The following LMX1B variants were observed in gnomAD, a reference collection of about 807,000 sequenced individuals.
LMX1B encodes the protein LIM homeobox transcription factor 1 beta, also known as LIM homeobox transcription factor 1-beta.
In LMX1B, 12 loss-of-function variants were observed where a neutral mutation model predicts 51.4. The observed-to-expected ratio is 0.23, with a 90% CI of 0.15 to 0.38. LMX1B has a LOEUF of 0.38. Among genes scored for constraint, LMX1B ranks in the 10% least tolerant of loss-of-function variants. The probability of loss-of-function intolerance (pLI) is 1.00; values close to 1 mark genes in which losing one functional copy is unlikely to be tolerated. For missense variants in LMX1B, 445 were observed against 571.1 expected, an observed-to-expected ratio of 0.78 and a Z score of 2.25; for synonymous variants, 237 against 235.4, an observed-to-expected ratio of 1.01 and a Z score of -0.06.
chr9:126,623,773 C>T (rs1264034850), intron 2 of LMX1B, among the ~76,000 whole-genome samples: 2 of 152,216 alleles, frequency 1.3e-5, no homozygotes, highest in Non-Finnish European at 2.9e-5. Context: ...GCGGATTGCC[C>T]CCTGTAGGGC....
At position 126,693,733 on chromosome 9, in the gene LMX1B, G is replaced by A. The variant is rs914683099; in HGVS notation, c.820-13G>A. On this transcript the variant is annotated splice_polypyrimidine_tract_variant and intron_variant, in intron 5 of 7. Transcript: ENST00000373474. ...GAGGGGCAGCACCGGCCTGAACTGC[G>A]CTCTCCCTGCAGATGAAGAAGCTGG... The A allele has an allele frequency of 9.0e-6, 14 of 1,563,302 alleles. 1 individual carries two copies. The South Asian group carries it at 9.3e-5, about 10-fold the overall frequency.
chr9:126,616,887 G>A (rs960397998), intron 2 of LMX1B, among the ~76,000 whole-genome samples: 1 of 152,212 alleles, frequency 6.6e-6, no homozygotes, highest in African/African-American at 2.4e-5. Flanking sequence ...AGCCTGAGCT[G>A]CTTTTTGCAC....
chr9:126,699,276 C>G lies in LMX1B; in HGVS notation c.*2825C>G, dbSNP rs1423218721. 6.6e-6 allele frequency: 1 copy of G among 152,164 alleles called. No individual in the cohort carries two copies. The highest frequency in any genetic ancestry group is 6.5e-5 in the Admixed American group (1 of 15,288). The allele number at this position is 152,164 out of a possible 1,614,324, so 9.4% of individuals were successfully genotyped here. A position where few individuals can be genotyped will look rare whatever the true frequency, so the allele number is the denominator to read the frequency against. ...GTTAGTGACAGAGCTGAGCTGAGAA[C>G]AGGGACGTTGTGCCCCACTGTCCCC... is the stretch of plus-strand genomic sequence containing the variant. On this transcript the variant is annotated 3_prime_UTR_variant, in exon 8 of 8. Coordinates refer to ENST00000373474, the MANE Select transcript of LMX1B (RefSeq NM_001174147.2).
chr9:126,615,525 C>G lies in LMX1B; in HGVS notation c.282C>G (p.Cys94Trp). 6.2e-7 allele frequency: 1 copy of G among 1,611,640 alleles called. No homozygotes were observed. Among genetic ancestry groups the G allele is most frequent in the Non-Finnish European group, 8.5e-7 (1 of 1,178,742 alleles). The change falls in exon 2 of 8, where the codon TGC becomes TGG. Residue 94 changes from cysteine to tryptophan, a missense_variant. By Grantham distance (215) the Cys-to-Trp change is radical. Around this residue, in one of 3 missense-constraint regions of LMX1B, gnomAD observed 273 missense variants for 343.3 expected, o/e 0.80. Transcript: ENST00000373474. This position sits in a 1 kb window ranked among gnomAD's most constrained non-coding sequence, Gnocchi z 6.0. ...AACQQALTTS[C>W]YFRDRKLYCK... ...GTCAGCAAGCCCTCACCACCAGCTG[C>G]TACTTCCGGGATCGGAAACTGTACT... is the stretch of plus-strand genomic sequence containing the variant.
intron 2 of LMX1B, among the ~76,000 whole-genome samples, chr9:126,624,327 C>T (rs896080377): frequency 5.9e-5 from 9 of 152,214 alleles, no homozygotes; most frequent in African/African-American, 2.2e-4. Context: ...ACTGCAGGCT[C>T]CCGCTGGAGG....
intron 2 of LMX1B, among the ~76,000 whole-genome samples, chr9:126,657,934 G>C (rs1328191998): frequency 6.6e-6 from 1 of 152,166 alleles, no homozygotes; most frequent in Non-Finnish European, 1.5e-5. Context: ...AGAAGAAGGG[G>C]TGCCTGCCTC....
chr9:126,653,818 C>T (rs1412136701), intron 2 of LMX1B, among the ~76,000 whole-genome samples: 2 of 152,092 alleles, frequency 1.3e-5, no homozygotes, highest in African/African-American at 4.8e-5. Flanking sequence ...ATGGCACCTC[C>T]ACCTCCCAGG....
At chr9:126,685,929 T>A (rs1056512251) in intron 2 of LMX1B, among the ~76,000 whole-genome samples, 7 of 152,070 alleles carry the variant, frequency 4.6e-5, no homozygotes, top group Admixed American at 3.3e-4. Flanking sequence ...CCAAGCCCGG[T>A]GCATGCAGTC....
rs1348250830 is a variant in LMX1B, at chr9:126,673,905, C to T, written c.327-16931C>T. ...AACAGCCGCTGCCCTGTCCTCTCTGCGGCCGTGGCCAGGTACACAGGCCTG... is the reference window on the plus strand; with the variant it reads ...AACAGCCGCTGCCCTGTCCTCTCTGTGGCCGTGGCCAGGTACACAGGCCTG... On this transcript the variant is annotated intron_variant, in intron 2 of 7. Transcript: ENST00000373474. This position sits in a 1 kb window ranked among gnomAD's most constrained non-coding sequence, Gnocchi z 4.4. Among the ~76,000 whole-genome samples, 2 of 152,192 alleles carry T rather than the reference C, an allele frequency of 1.3e-5. No homozygotes were observed. Among genetic ancestry groups the T allele is most frequent in the Non-Finnish European group, 2.9e-5 (2 of 68,036 alleles).
Position 126,614,241 on chromosome 9 carries a change from G to A in LMX1B, c.-209G>A. On this transcript the variant is annotated 5_prime_UTR_variant, in exon 1 of 8. Transcript: ENST00000373474. ...GGCTGCAAGTGTCCGGGAGAGCGCG[G>A]CGCGGGCTGCAGCCGCCCCGGCCCG... Among the ~76,000 whole-genome samples, 1 of 146,076 alleles carries A rather than the reference G, an allele frequency of 6.8e-6. No homozygotes were observed. The highest frequency in any genetic ancestry group is 1.5e-5 in the Non-Finnish European group (1 of 65,750).
At position 126,621,063 on chromosome 9, in the gene LMX1B, GA is replaced by G. The variant is rs137895385; in HGVS notation, c.326+5495del. ...GGGTGGCTGGCGATGCTTCTCCAAG[GA>G]GCCGCCTTTGTCCTGAGGCTCTGGA... is the stretch of plus-strand genomic sequence containing the variant. On this transcript the variant is annotated intron_variant, in intron 2 of 7. Coordinates refer to ENST00000373474, the MANE Select transcript of LMX1B (RefSeq NM_001174147.2). 2.9e-4 allele frequency among the ~76,000 whole-genome samples: 44 copies of G among 152,322 alleles called. 1 individual carries two copies. The East Asian group carries it at 8.3e-3, about 29-fold the overall frequency.
At chr9:126,676,759 A>G (rs1281878285) in intron 2 of LMX1B, among the ~76,000 whole-genome samples, 3 of 152,178 alleles carry the variant, frequency 2.0e-5, no homozygotes, top group African/African-American at 7.2e-5. Context: ...CGGAGTTACC[A>G]GGGGTGGGGT....
At chr9:126,674,754 C>T (rs1179613511) in intron 2 of LMX1B, among the ~76,000 whole-genome samples, 1 of 152,182 alleles carries the variant, frequency 6.6e-6, no homozygotes, top group African/African-American at 2.4e-5. Flanking sequence ...CTACATGGCT[C>T]TCTGGTAACC....
Position 126,693,284 on chromosome 9 carries a change from C to T in LMX1B, c.702C>T (p.Phe234=), listed in dbSNP as rs1369457750. 11 of 1,610,494 alleles carry T rather than the reference C, an allele frequency of 6.8e-6. No homozygotes were observed. The highest frequency in any genetic ancestry group is 1.9e-4 in the Middle Eastern group (1 of 5,398). The part of the protein sequence containing the change: ...TILTTQQRRA[F]KASFEVSSKP... ...TCACCACGCAGCAGCGAAGAGCCTT[C>T]AAGGCCTCCTTCGAGGTCTCGTCGA... The change falls in exon 4 of 8, where the codon TTC becomes TTT. Residue 234 remains phenylalanine, a synonymous_variant. Coordinates refer to ENST00000373474, the MANE Select transcript of LMX1B (RefSeq NM_001174147.2).
Position 126,625,704 on chromosome 9 carries a change from T to TCCGCCG in LMX1B, c.326+10147_326+10152dup, listed in dbSNP as rs552025674. On this transcript the variant is annotated intron_variant, in intron 2 of 7. Coordinates refer to ENST00000373474, the MANE Select transcript of LMX1B (RefSeq NM_001174147.2). The surrounding 1 kb of genome is among the most constrained non-coding windows in gnomAD (Gnocchi z 5.3). ...GGCCCGTGGCGCCTTTCTCGCCACCTCCGCCGCCGCCGCCGCCACCCTCGT... is the reference window on the plus strand; with the variant it reads ...GGCCCGTGGCGCCTTTCTCGCCACCTCCGCCGCCGCCGCCGCCGCCGCCACCCTCGT... Among the ~76,000 whole-genome samples the TCCGCCG allele has an allele frequency of 1.3e-5, 2 of 152,046 alleles. No homozygotes were observed. The highest frequency in any genetic ancestry group is 4.8e-5 in the African/African-American group (2 of 41,412).
Position 126,615,380 on chromosome 9 carries a change from C to T in LMX1B, c.140-3C>T, listed in dbSNP as rs1308751738. 6.3e-7 allele frequency: 1 copy of T among 1,590,798 alleles called. No individual in the cohort carries two copies. Among genetic ancestry groups the T allele is most frequent in the Admixed American group, 1.7e-5 (1 of 58,370 alleles). The stretch of plus-strand genomic sequence containing the variant: ...GGCCGGGCTTTCGCCCTGTGCGCTA[C>T]AGGCTCCGACTGCCCGCATCCCGCC... On this transcript the variant is annotated splice_region_variant and splice_polypyrimidine_tract_variant and intron_variant, in intron 1 of 7. Coordinates refer to ENST00000373474, the MANE Select transcript of LMX1B (RefSeq NM_001174147.2). The surrounding 1 kb of genome is among the most constrained non-coding windows in gnomAD (Gnocchi z 6.0).
intron 2 of LMX1B, among the ~76,000 whole-genome samples, chr9:126,623,069 G>A (rs908764159): frequency 6.6e-6 from 1 of 152,256 alleles, no homozygotes; most frequent in African/African-American, 2.4e-5. Flanking sequence ...AGCCCCGTCT[G>A]GCAGGAATGC....
intron 2 of LMX1B, among the ~76,000 whole-genome samples, chr9:126,666,947 T>G (rs968711866): frequency 2.0e-5 from 3 of 152,220 alleles, no homozygotes; most frequent in Admixed American, 6.5e-5. Context: ...CAGAGGGAAC[T>G]GAGCTTAGGG....
In LMX1B at chr9:126,690,050, T is replaced by C. The variant is rs547511038; in HGVS notation, c.327-786T>C. Among the ~76,000 whole-genome samples, 19 of 152,042 alleles carry C rather than the reference T, an allele frequency of 1.2e-4. No individual in the cohort carries two copies. The South Asian group carries it at 3.9e-3, about 32-fold the overall frequency. ...AGCCAAGCCAAAGGACAGAGAAAGA[T>C]GGGTCGAAAGATGGCTGCCATGATA... On this transcript the variant is annotated intron_variant, in intron 2 of 7. Coordinates refer to ENST00000373474, the MANE Select transcript of LMX1B (RefSeq NM_001174147.2).
Sources: gnomAD v4.1 joint callset for allele counts (sites outside exome capture counted in the v4.1 genomes callset) on GRCh38, gnomAD v4.1.1 for gene constraint, gnomAD v4.1.1 regional missense constraint, Gnocchi (gnomAD v3.1) non-coding constraint, MANE v1.5 for transcripts, NCBI Gene and HGNC (gene_info 2026-07-23, HGNC 2026-07-21) for gene names.